The following WDR20 variants were observed in gnomAD, a reference collection of about 807,000 sequenced individuals.
The protein encoded by WDR20 is WD repeat-containing protein 20.
WDR20 carries 3 observed loss-of-function variants against 38.7 expected under a neutral mutation model. The ratio of observed to expected loss-of-function variants is 0.08; its 90% CI spans 0.04 to 0.20. WDR20 has a LOEUF of 0.20. WDR20 is among the 10% of genes least tolerant of loss of function. WDR20 has a pLI of 1.00. For synonymous variants in WDR20, 298 were observed against 285.6 expected (o/e 1.04, Z -0.44); for missense variants, 559 against 727.7 (o/e 0.77, Z 2.67).
chr14:102,193,376 T>C lies in WDR20; in HGVS notation c.250-1562T>C, dbSNP rs2058865187. 4 of 1,410,396 alleles carry C rather than the reference T, an allele frequency of 2.8e-6. No individual in the cohort carries two copies. The African/African-American group carries it at 5.7e-5, about 20-fold the overall frequency. 87.4% of individuals were successfully genotyped at this position (1,410,396 alleles called of 1,614,324 possible). Reference sequence around the variant, plus strand: ...CTGGCCGCTTTTCTCCTCGCTCCAGTCAGGACTCCCTTTTGTTTTGTATCA... The same window carrying C: ...CTGGCCGCTTTTCTCCTCGCTCCAGCCAGGACTCCCTTTTGTTTTGTATCA... On this transcript the variant is annotated intron_variant, in intron 1 of 2. Coordinates refer to ENST00000342702, the MANE Select transcript of WDR20 (RefSeq NM_144574.4).
chr14:102,196,012 A>G (rs554920131), intron 2 of WDR20: 22 of 152,350 alleles, frequency 1.4e-4, no homozygotes, highest in African/African-American at 5.1e-4. Context: ...GCATTGTTGC[A>G]TGGTTTTAAC....
At chr14:102,161,135 TATATATA>T (rs1264618802) in intron 1 of WDR20, among the ~76,000 whole-genome samples, 1 of 11,926 alleles carries the variant, frequency 8.4e-5, no homozygotes, top group Non-Finnish European at 1.8e-4. Flanking sequence ...TATATATATA[TATATATA>T]TTTTTTTTTT....
chr14:102,214,163 A>G, downstream of WDR20: 1 of 985,550 alleles, frequency 1.0e-6, no homozygotes, highest in Non-Finnish European at 1.2e-6. Context: ...GGGTCGGGTG[A>G]CCTGGAGACG....
At chr14:102,162,495 A>G (rs2058948301) in intron 1 of WDR20, among the ~76,000 whole-genome samples, 1 of 152,228 alleles carries the variant, frequency 6.6e-6, no homozygotes, top group South Asian at 2.1e-4. Context: ...AAGTTGAACA[A>G]AATTGGAACT....
chr14:102,142,774 C>CTGTTTTTT (rs1193456475), intron 1 of WDR20, among the ~76,000 whole-genome samples: 5 of 85,036 alleles, frequency 5.9e-5, no homozygotes, highest in African/African-American at 1.3e-4. Context: ...GCTGTTTTGA[C>CTGTTTTTT]TTTTTTTTTT....
intron 1 of WDR20, among the ~76,000 whole-genome samples, chr14:102,154,023 G>T (rs932224290): frequency 2.0e-5 from 3 of 152,172 alleles, no homozygotes; most frequent in African/African-American, 7.2e-5. Flanking sequence ...TTTTAAATGA[G>T]CTAGATGTGG....
At chr14:102,224,036 GA>G (rs1249037887), downstream of WDR20, among the ~76,000 whole-genome samples, 64 of 139,512 alleles carry the variant, frequency 4.6e-4, no homozygotes, top group South Asian at 2.4e-3. Flanking sequence ...GTTTACCTGA[GA>G]TTTTTTTTTT....
At chr14:102,153,307 C>CTT (rs57513596) in intron 1 of WDR20, among the ~76,000 whole-genome samples, 5,872 of 128,148 alleles carry the variant, frequency 0.046, 256 homozygotes, top group Non-Finnish European at 0.068. Context: ...AAACCTCTTT[C>CTT]TTTTTTTTTT....
chr14:102,152,089 A>G (rs2056094315), intron 1 of WDR20, among the ~76,000 whole-genome samples: 1 of 151,328 alleles, frequency 6.6e-6, no homozygotes, highest in Non-Finnish European at 1.5e-5. Flanking sequence ...TAATTTCTGT[A>G]TTTTTTTATA....
At chr14:102,200,557 T>C (rs1163596055) in intron 2 of WDR20, among the ~76,000 whole-genome samples, 1 of 151,864 alleles carries the variant, frequency 6.6e-6, no homozygotes, top group Non-Finnish European at 1.5e-5. Flanking sequence ...AATGGTTATA[T>C]ATTTGGGGAG....
chr14:102,208,482 A>T lies in WDR20; in HGVS notation c.433-121A>T, dbSNP rs2061963428. The T allele has an allele frequency of 1.5e-6, 2 of 1,347,574 alleles. No homozygotes were observed. The highest frequency in any genetic ancestry group is 2.0e-6 in the Non-Finnish European group (2 of 1,015,162). 83.5% of individuals were successfully genotyped at this position (1,347,574 alleles called of 1,614,324 possible). On this transcript the variant is annotated intron_variant, in intron 2 of 2. Coordinates refer to ENST00000342702, the MANE Select transcript of WDR20 (RefSeq NM_144574.4). The surrounding 1 kb of genome is among the most constrained non-coding windows in gnomAD (Gnocchi z 5.6). ...GCTGGCTTGGCTGACTGCAGGATAA[A>T]ATGTGGAGGGCCTGGATAGACTTGC...
chr14:102,213,410 A>G, downstream of WDR20: 2 of 985,434 alleles, frequency 2.0e-6, no homozygotes, highest in South Asian at 9.4e-5. Context: ...TGCTGATTGA[A>G]CCTTCTAGCA....
chr14:102,165,078 C>T (rs746380420), intron 1 of WDR20, among the ~76,000 whole-genome samples: 1 of 152,196 alleles, frequency 6.6e-6, no homozygotes, highest in African/African-American at 2.4e-5. Context: ...CCTTTTCCCA[C>T]TCAGTTGCCT....
intron 1 of WDR20, among the ~76,000 whole-genome samples, chr14:102,187,409 T>C (rs201214298): frequency 1.3e-5 from 2 of 150,498 alleles, no homozygotes; most frequent in African/African-American, 4.9e-5. Context: ...ACACATAGGC[T>C]GGGGGGGGGC....
chr14:102,181,711 A>G (rs751913163), intron 1 of WDR20, among the ~76,000 whole-genome samples: 5 of 152,116 alleles, frequency 3.3e-5, no homozygotes, highest in African/African-American at 2.4e-5. Context: ...TTTTAATTCT[A>G]TATATTACGT....
At chr14:102,180,123 C>T (rs114237963) in intron 1 of WDR20, among the ~76,000 whole-genome samples, 8,044 of 152,180 alleles carry the variant, frequency 0.053, 634 homozygotes, top group African/African-American at 0.17. Context: ...CCAGCCTGGG[C>T]GACATAGCAA....
rs775768305 is a variant in WDR20, at chr14:102,221,169, C to T, written c.1693-1661C>T. Among the ~76,000 whole-genome samples, 2 of 152,160 alleles carry T rather than the reference C, an allele frequency of 1.3e-5. No homozygotes were observed. The highest frequency in any genetic ancestry group is 2.1e-4 in the South Asian group (1 of 4,824). Reference sequence around the variant, plus strand: ...CAGCACTCACCTCCACCTGGCACTCCGTGAAAGGGGAGGGAGACTCTGTGG... The same window carrying T: ...CAGCACTCACCTCCACCTGGCACTCTGTGAAAGGGGAGGGAGACTCTGTGG... On this transcript the variant is annotated intron_variant, in intron 3 of 3. Transcript: ENST00000335263. This position sits in a 1 kb window ranked among gnomAD's most constrained non-coding sequence, Gnocchi z 4.8.
chr14:102,156,918 G>A (rs1202747394), intron 1 of WDR20, among the ~76,000 whole-genome samples: 3 of 152,152 alleles, frequency 2.0e-5, no homozygotes, highest in African/African-American at 7.2e-5. Context: ...TTGAACCTGG[G>A]AGGCGGAGGT....
chr14:102,190,086 C>T (rs1054018492), intron 1 of WDR20, among the ~76,000 whole-genome samples: 2 of 152,116 alleles, frequency 1.3e-5, no homozygotes, highest in Non-Finnish European at 2.9e-5. Flanking sequence ...TGTGGAGGGC[C>T]AGTGAAGGGT....
Sources: allele counts gnomAD v4.1 joint callset (sites outside exome capture counted in the v4.1 genomes callset), GRCh38; gene constraint gnomAD v4.1.1; non-coding constraint Gnocchi (gnomAD v3.1); transcripts MANE v1.5; gene names NCBI Gene and HGNC (gene_info 2026-07-23, HGNC 2026-07-21).